Variants in RGS6 observed in about 807,000 individuals in gnomAD.
RGS6 encodes regulator of G protein signaling 6.
Under a neutral mutation model 78.5 loss-of-function variants are expected in RGS6, and 30 were observed. The observed-to-expected ratio is 0.38, with a 90% CI of 0.29 to 0.52. RGS6 has a LOEUF of 0.52. Among genes scored for constraint, RGS6 ranks in the 20% least tolerant of loss-of-function variants. RGS6 has a pLI of 0.85. For synonymous variants in RGS6, 206 were observed against 206.0 expected, an observed-to-expected ratio of 1.00 and a Z score of 0.00; for missense variants, 495 against 609.7, an observed-to-expected ratio of 0.81 and a Z score of 1.98.
At chr14:72,433,491 TAAAATG>T (rs1334736661) in intron 3 of RGS6, among the ~76,000 whole-genome samples, 2 of 151,452 alleles carry the variant, frequency 1.3e-5, no homozygotes, top group Admixed American at 1.3e-4. Context: ...CCCCAGAACT[TAAAATG>T]AAAATAAAAA....
At chr14:72,550,498 C>T (rs2097489625) in intron 17 of RGS6, 1 of 1,535,716 alleles carries the variant, frequency 6.5e-7, no homozygotes, top group South Asian at 1.2e-5. Context: ...CTGGCCTTAA[C>T]ATCATAGCAC....
chr14:72,254,909 A>T (rs2056733849), intron 2 of RGS6, among the ~76,000 whole-genome samples: 1 of 152,186 alleles, frequency 6.6e-6, no homozygotes, highest in Non-Finnish European at 1.5e-5. Flanking sequence ...GTTGTTCTTT[A>T]TCATGATAGG....
At chr14:72,212,063 G>A (rs755453501) in intron 2 of RGS6, among the ~76,000 whole-genome samples, 22 of 152,226 alleles carry the variant, frequency 1.4e-4, no homozygotes, top group African/African-American at 4.8e-4. Context: ...GAACCAGTAC[G>A]TTACCTGGGG....
intron 2 of RGS6, among the ~76,000 whole-genome samples, chr14:72,140,871 T>C (rs906749240): frequency 2.0e-5 from 3 of 152,232 alleles, no homozygotes; most frequent in African/African-American, 7.2e-5. Context: ...GGGCTGCTGG[T>C]GTTCCTGTCA....
intron 2 of RGS6, among the ~76,000 whole-genome samples, chr14:72,015,470 C>T (rs1470080702): frequency 6.6e-6 from 1 of 152,138 alleles, no homozygotes; most frequent in East Asian, 1.9e-4. Context: ...CCAGTATATA[C>T]GAATAAATCA....
intron 2 of RGS6, among the ~76,000 whole-genome samples, chr14:71,968,032 G>A (rs1259086548): frequency 6.6e-6 from 1 of 152,104 alleles, no homozygotes; most frequent in African/African-American, 2.4e-5. Flanking sequence ...TCACAGTTTG[G>A]ATTGGAGGTG....
At chr14:72,458,195 T>C (rs1477781680) in intron 4 of RGS6, 76 bp from the exon 5 acceptor site, 2 of 1,122,948 alleles carry the variant, frequency 1.8e-6, no homozygotes, top group African/African-American at 3.1e-5. Flanking sequence ...ACAGTTGACT[T>C]CTGGTCTCCC....
chr14:72,279,914 AGTG>A, intron 2 of RGS6, among the ~76,000 whole-genome samples: 1 of 152,238 alleles, frequency 6.6e-6, no homozygotes, highest in East Asian at 1.9e-4. Context: ...CCAGCTAAAA[AGTG>A]AGAGATCAAA....
chr14:72,385,352 G>C (rs1300705631), intron 3 of RGS6, among the ~76,000 whole-genome samples: 1 of 152,156 alleles, frequency 6.6e-6, no homozygotes, highest in South Asian at 2.1e-4. Flanking sequence ...ACACAAGGAA[G>C]AAAAGTTTTT....
chr14:72,262,349 T>C (rs2058315188), intron 2 of RGS6, among the ~76,000 whole-genome samples: 1 of 152,218 alleles, frequency 6.6e-6, no homozygotes, highest in South Asian at 2.1e-4. Context: ...GGTGGAGGCC[T>C]CTCTTCCTGG....
chr14:72,213,759 G>T (rs1314407383), intron 2 of RGS6, among the ~76,000 whole-genome samples: 1 of 152,134 alleles, frequency 6.6e-6, no homozygotes, highest in East Asian at 1.9e-4. Flanking sequence ...TGACCATCTG[G>T]ATGTTTATAG....
At chr14:72,342,481 G>C (rs1433297685) in intron 2 of RGS6, among the ~76,000 whole-genome samples, 1 of 151,392 alleles carries the variant, frequency 6.6e-6, no homozygotes, top group Non-Finnish European at 1.5e-5. Flanking sequence ...CAGGAGAACT[G>C]CTTGAACCCA....
At chr14:71,959,102 G>A (rs2067854) in intron 1 of RGS6, among the ~76,000 whole-genome samples, 23,867 of 152,104 alleles carry the variant, frequency 0.16, 2,295 homozygotes, top group Non-Finnish European at 0.21. Flanking sequence ...CGGACACTCT[G>A]TCTGTCATTG....
At chr14:72,038,447 A>C (rs1201766977) in intron 2 of RGS6, among the ~76,000 whole-genome samples, 1 of 152,128 alleles carries the variant, frequency 6.6e-6, no homozygotes, top group Non-Finnish European at 1.5e-5. Context: ...TGGGATTTTG[A>C]TTAGGTTTGT....
intron 2 of RGS6, among the ~76,000 whole-genome samples, chr14:72,291,346 T>G (rs2063541510): frequency 6.6e-6 from 1 of 151,674 alleles, no homozygotes; most frequent in Admixed American, 6.6e-5. Flanking sequence ...TTCTATTAGT[T>G]CTTCATGGCT....
chr14:72,578,212 T>A, the RGS6 span, among the ~76,000 whole-genome samples: 2 of 152,250 alleles, frequency 1.3e-5, no homozygotes, highest in Non-Finnish European at 2.9e-5. Context: ...ACTTTTTCTT[T>A]GGCTTTGAAG....
upstream of RGS6, among the ~76,000 whole-genome samples, chr14:71,928,049 A>C (rs1403204493): frequency 6.6e-6 from 1 of 151,624 alleles, no homozygotes; most frequent in Non-Finnish European, 1.5e-5. Flanking sequence ...TAGAGACAGG[A>C]TCTCACTATG....
intron 2 of RGS6, among the ~76,000 whole-genome samples, chr14:72,298,968 C>A (rs1205657854): frequency 1.3e-5 from 2 of 152,102 alleles, no homozygotes; most frequent in Non-Finnish European, 2.9e-5. Flanking sequence ...TGACACAGGG[C>A]TATTCAATTT....
the RGS6 span, among the ~76,000 whole-genome samples, chr14:71,880,902 G>A: frequency 3.3e-5 from 5 of 152,214 alleles, no homozygotes; most frequent in Non-Finnish European, 7.3e-5. Context: ...CTTGCACCAT[G>A]CACCTGGAAA....
Sources: allele counts gnomAD v4.1 joint callset (sites outside exome capture counted in the v4.1 genomes callset), GRCh38; gene constraint gnomAD v4.1.1; transcripts MANE v1.5; gene names NCBI Gene and HGNC (gene_info 2026-07-23, HGNC 2026-07-21).